Variants in PPARG observed in about 807,000 individuals in gnomAD.
PPARG encodes peroxisome proliferator-activated receptor gamma.
Under a neutral mutation model 39.2 loss-of-function variants are expected in PPARG, and 17 were observed. The observed-to-expected ratio is 0.43, with a 90% CI of 0.30 to 0.65. The LOEUF (loss-of-function observed/expected upper bound fraction) is 0.65. Among genes scored for constraint, PPARG ranks in the 30% least tolerant of loss-of-function variants. The pLI, the probability that PPARG is intolerant of heterozygous loss-of-function variation, is 0.13. For synonymous variants in PPARG, 223 were observed against 215.7 expected (o/e 1.03, Z -0.30); for missense variants, 406 against 585.9 (o/e 0.69, Z 3.17).
chr3:12,328,624 AG>A (rs1385602728), intron 2 of PPARG, among the ~76,000 whole-genome samples: 1 of 152,216 alleles, frequency 6.6e-6, no homozygotes, highest in African/African-American at 2.4e-5. Flanking sequence ...CACTCTGCTA[AG>A]CCTGCTTTTC....
intron 2 of PPARG, chr3:12,328,219 G>A (rs1426934675): frequency 5.9e-6 from 9 of 1,516,568 alleles, no homozygotes; most frequent in Non-Finnish European, 8.2e-6. Flanking sequence ...CTGGAGCGGA[G>A]CGTTAAGGAA....
intron 2 of PPARG, among the ~76,000 whole-genome samples, chr3:12,372,573 T>C (rs377728377): frequency 1.4e-4 from 21 of 152,332 alleles, no homozygotes; most frequent in Admixed American, 5.2e-4. Flanking sequence ...AATGTAAATA[T>C]GAAGAAGATG....
intron 2 of PPARG, among the ~76,000 whole-genome samples, chr3:12,368,303 TC>T (rs2049090827): frequency 6.6e-6 from 1 of 151,594 alleles, no homozygotes; most frequent in Admixed American, 6.6e-5. Context: ...TGCCTCAGTC[TC>T]CCAAGTAGCT....
At chr3:12,371,981 A>G (rs1044092499) in intron 2 of PPARG, 2 of 716,264 alleles carry the variant, frequency 2.8e-6, no homozygotes, top group Admixed American at 2.0e-5. Flanking sequence ...TGGATAAACA[A>G]GTTGGAACCA....
chr3:12,429,347 GTT>G (rs975892220), intron 7 of PPARG, among the ~76,000 whole-genome samples: 14 of 152,212 alleles, frequency 9.2e-5, no homozygotes, highest in African/African-American at 3.1e-4. Flanking sequence ...GTTAGTCCTT[GTT>G]TGTATGATAA....
chr3:12,293,863 C>T (rs1352049453), intron 1 of PPARG, among the ~76,000 whole-genome samples: 2 of 152,216 alleles, frequency 1.3e-5, no homozygotes, highest in Middle Eastern at 3.2e-3. Flanking sequence ...CCGGAAGGAA[C>T]TTCCTAACCT....
intron 7 of PPARG, among the ~76,000 whole-genome samples, chr3:12,430,160 A>G (rs2051606109): frequency 6.6e-6 from 1 of 152,042 alleles, no homozygotes; most frequent in African/African-American, 2.4e-5. Flanking sequence ...AAAGGTCACT[A>G]GAGTTTATTA....
intron 2 of PPARG, among the ~76,000 whole-genome samples, chr3:12,350,294 C>T (rs897969761): frequency 6.6e-5 from 10 of 152,132 alleles, no homozygotes; most frequent in African/African-American, 2.4e-4. Context: ...CACAGTTGCT[C>T]AACTCCCCCA....
intron 2 of PPARG, among the ~76,000 whole-genome samples, chr3:12,369,717 A>G (rs2049141997): frequency 6.6e-6 from 1 of 152,138 alleles, no homozygotes; most frequent in Admixed American, 6.5e-5. Context: ...GTGCTGCTTA[A>G]GGTTGAGCCA....
At chr3:12,362,068 A>G (rs2048863802) in intron 2 of PPARG, among the ~76,000 whole-genome samples, 1 of 152,040 alleles carries the variant, frequency 6.6e-6, no homozygotes, top group Non-Finnish European at 1.5e-5. Context: ...TGGGTATTTG[A>G]TTGTTTTAAT....
intron 2 of PPARG, among the ~76,000 whole-genome samples, chr3:12,320,295 T>A (rs1215204301): frequency 6.6e-6 from 1 of 152,184 alleles, no homozygotes; most frequent in East Asian, 1.9e-4. Context: ...TACTACAAAT[T>A]AAAGCTGAAC....
intron 1 of PPARG, among the ~76,000 whole-genome samples, chr3:12,298,294 G>C (rs1488720088): frequency 1.9e-5 from 1 of 52,106 alleles, no homozygotes; most frequent in Non-Finnish European, 2.9e-5. Context: ...GCGAGACTCT[G>C]TCTCAAAAAA....
intron 6 of PPARG, among the ~76,000 whole-genome samples, chr3:12,409,267 GA>G (rs772552278): frequency 8.5e-5 from 13 of 152,258 alleles, no homozygotes; most frequent in African/African-American, 1.9e-4. Flanking sequence ...GCAGGGTCTG[GA>G]AAAAGAGAGA....
chr3:12,412,936 A>G (rs2050927879), intron 6 of PPARG, among the ~76,000 whole-genome samples: 2 of 152,172 alleles, frequency 1.3e-5, no homozygotes, highest in South Asian at 4.1e-4. Flanking sequence ...CCCAACTAGA[A>G]GTGTAAAATC....
At chr3:12,383,560 GGTCATGTT>G (rs1185515552) in intron 4 of PPARG, among the ~76,000 whole-genome samples, 76 of 152,094 alleles carry the variant, frequency 5.0e-4, no homozygotes, top group Non-Finnish European at 1.0e-3. Flanking sequence ...ATTCTGTTTT[GGTCATGTT>G]GATAATTTAC....
intron 2 of PPARG, among the ~76,000 whole-genome samples, chr3:12,314,100 A>G (rs2047324210): frequency 6.6e-6 from 1 of 152,106 alleles, no homozygotes; most frequent in African/African-American, 2.4e-5. Flanking sequence ...AACATGGTGA[A>G]ACCCCATCTC....
chr3:12,406,251 T>C (rs41293379), intron 6 of PPARG, 170 bp downstream of exon 6: 212 of 718,746 alleles, frequency 2.9e-4, no homozygotes, highest in East Asian at 1.2e-3. Flanking sequence ...TGTTTTCAGA[T>C]AGCACAAGTC....
chr3:12,338,434 A>C (rs1169451568), intron 2 of PPARG, among the ~76,000 whole-genome samples: 1 of 152,186 alleles, frequency 6.6e-6, no homozygotes, highest in Non-Finnish European at 1.5e-5. Context: ...AAATTGCTTG[A>C]GTACAGCACA....
chr3:12,389,128 C>T (rs1185349925), intron 4 of PPARG, among the ~76,000 whole-genome samples: 1 of 152,142 alleles, frequency 6.6e-6, no homozygotes, highest in Admixed American at 6.6e-5. Context: ...CAGAACTGTT[C>T]TCACTAATGA....
Sources: gnomAD v4.1 joint callset for allele counts (sites outside exome capture counted in the v4.1 genomes callset) on GRCh38, gnomAD v4.1.1 for gene constraint, MANE v1.5 for transcripts, NCBI Gene and HGNC (gene_info 2026-07-23, HGNC 2026-07-21) for gene names.